Variants in TJP1 observed in about 807,000 individuals in gnomAD.
TJP1 encodes the protein tight junction protein 1.
TJP1 carries 43 observed loss-of-function variants against 194.2 expected under a neutral mutation model. That is an observed-to-expected ratio of 0.22 (90% CI 0.17 to 0.29). The LOEUF is 0.29. Among genes scored for constraint, TJP1 ranks in the 10% least tolerant of loss-of-function variants. The pLI is 1.00. For synonymous variants in TJP1, 801 were observed against 779.0 expected, an observed-to-expected ratio of 1.03 and a Z score of -0.47; for missense variants, 1,971 against 2,185.7, an observed-to-expected ratio of 0.90 and a Z score of 1.96.
At chr15:29,780,327 T>C (rs1595870315) in intron 2 of TJP1, among the ~76,000 whole-genome samples, 2 of 152,050 alleles carry the variant, frequency 1.3e-5, no homozygotes, top group South Asian at 4.2e-4. Context: ...TGACAGATCA[T>C]CAGGCATTAG....
chr15:29,847,221 G>C (rs2051447108), intron 2 of TJP1, among the ~76,000 whole-genome samples: 1 of 151,976 alleles, frequency 6.6e-6, no homozygotes. Flanking sequence ...TTTCCTCTCA[G>C]CTTCCAGAGT....
At chr15:29,762,216 CA>C in intron 6 of TJP1, 118 bp downstream of exon 6, 1 of 744,912 alleles carries the variant, frequency 1.3e-6, no homozygotes, top group East Asian at 2.7e-5. Flanking sequence ...CCCTCTCCCC[CA>C]AACACTGATT....
At chr15:29,780,301 G>A (rs1055258697) in intron 2 of TJP1, among the ~76,000 whole-genome samples, 1 of 152,000 alleles carries the variant, frequency 6.6e-6, no homozygotes, top group Non-Finnish European at 1.5e-5. Flanking sequence ...TCCCATCTGG[G>A]GGTGATGGGA....
intron 2 of TJP1, among the ~76,000 whole-genome samples, chr15:29,885,305 A>G (rs1464420282): frequency 1.3e-5 from 2 of 152,226 alleles, no homozygotes; most frequent in East Asian, 3.8e-4. Flanking sequence ...AGGGTCATGC[A>G]GCCACCCTGA....
chr15:29,733,151 A>G lies in TJP1; in HGVS notation c.1679T>C (p.Ile560Thr). ...YNGKLGSWLA[I>T]RIGKNHKEVE... is the part of the protein sequence containing the mutation. ...CTCCTTATGATTTTTACCAATTCGA[A>G]TAGCAAGCCAAGAGCCCAGTTTTCC... The change falls in exon 13 of 28, where the codon ATT (isoleucine) becomes ACT (threonine). Residue 560 changes from isoleucine to threonine, a missense_variant. Transcript: ENST00000614355. 6.2e-7 allele frequency: 1 copy of G among 1,614,124 alleles called. No individual in the cohort carries two copies. The highest frequency in any genetic ancestry group is 8.5e-7 in the Non-Finnish European group (1 of 1,180,016).
At chr15:29,717,904 A>G in intron 22 of TJP1, 117 bp downstream of exon 22, 2 of 800,320 alleles carry the variant, frequency 2.5e-6, no homozygotes, top group Admixed American at 5.2e-5. Context: ...TTATTTAAGG[A>G]CAAACTCCTC....
Position 29,727,994 on chromosome 15 carries a change from A to C in TJP1, c.2043T>G (p.Thr681=), listed in dbSNP as rs765517702. The C allele has an allele frequency of 8.1e-6, 13 of 1,614,042 alleles. No individual in the cohort carries two copies. In the Middle Eastern group the frequency reaches 6.6e-4, roughly 82 times the overall value. Residue 681 remains threonine, a synonymous_variant, in exon 16 of 28, where the codon ACT becomes ACG. Coordinates refer to ENST00000614355, the MANE Select transcript of TJP1 (RefSeq NM_001330239.4). ...IAKSEPRDAG[T]DQRSSGIIRL... The stretch of plus-strand genomic sequence containing the variant: ...GAATAATGCCAGAGCTACGTTGGTC[A>C]GTTCCAGCGTCTCGTGGTTCACTCT...
At chr15:29,875,928 C>T (rs975875937) in intron 2 of TJP1, among the ~76,000 whole-genome samples, 4 of 152,124 alleles carry the variant, frequency 2.6e-5, no homozygotes, top group African/African-American at 9.7e-5. Flanking sequence ...TTTCCAATGA[C>T]CAAATATAGT....
At chr15:29,835,425 T>G (rs2050993285) in intron 2 of TJP1, among the ~76,000 whole-genome samples, 1 of 152,218 alleles carries the variant, frequency 6.6e-6, no homozygotes, top group Non-Finnish European at 1.5e-5. Flanking sequence ...TGGGGCTTCC[T>G]GTCTCTGGAT....
At chr15:29,882,244 C>T (rs1442183480) in intron 2 of TJP1, among the ~76,000 whole-genome samples, 1 of 152,026 alleles carries the variant, frequency 6.6e-6, no homozygotes, top group South Asian at 2.1e-4. Flanking sequence ...GAGTTTTCAC[C>T]ATATGTTTTG....
At chr15:29,836,042 T>C (rs887995833) in intron 2 of TJP1, among the ~76,000 whole-genome samples, 2 of 152,188 alleles carry the variant, frequency 1.3e-5, no homozygotes, top group Non-Finnish European at 2.9e-5. Context: ...TTGGGTATGA[T>C]TATTCAAGAA....
At chr15:29,957,090 T>C (rs141917604) in intron 1 of TJP1, among the ~76,000 whole-genome samples, 27 of 152,272 alleles carry the variant, frequency 1.8e-4, no homozygotes, top group Admixed American at 8.5e-4. Context: ...CTGTTCAGCA[T>C]GGTTTTGTTA....
intron 2 of TJP1, among the ~76,000 whole-genome samples, chr15:29,928,937 A>C (rs1343422804): frequency 6.7e-6 from 1 of 150,286 alleles, no homozygotes; most frequent in East Asian, 1.9e-4. Flanking sequence ...ATGAGACTCC[A>C]TCTCAAAAAA....
intron 25 of TJP1, 56 bp from the exon 26 acceptor site, chr15:29,705,801 C>G: frequency 6.9e-7 from 1 of 1,445,156 alleles, no homozygotes; most frequent in Non-Finnish European, 9.7e-7. Context: ...AGGTGCTTTG[C>G]TTTTACTACT....
intron 2 of TJP1, among the ~76,000 whole-genome samples, chr15:29,880,707 G>A (rs1035380810): frequency 1.3e-5 from 2 of 152,138 alleles, no homozygotes; most frequent in Non-Finnish European, 2.9e-5. Context: ...TTTGTCCTGT[G>A]ACTGGCTTAT....
chr15:29,819,266 A>G (rs1211552539), intron 1 of TJP1, among the ~76,000 whole-genome samples: 4 of 152,202 alleles, frequency 2.6e-5, no homozygotes, highest in Non-Finnish European at 5.9e-5. Context: ...AGCACCATAC[A>G]TTGAACAAGC....
At position 29,734,508 on chromosome 15, in the gene TJP1, G is replaced by C. The variant is rs187021430; in HGVS notation, c.1408-126C>G. The C allele has an allele frequency of 3.6e-5, 24 of 658,090 alleles. No homozygotes were observed. In the African/African-American group the frequency reaches 4.3e-4, roughly 12 times the overall value. 40.8% of individuals were successfully genotyped at this position (658,090 alleles called of 1,614,324 possible). On this transcript the variant is annotated intron_variant, in intron 11 of 27. Coordinates refer to ENST00000614355, the MANE Select transcript of TJP1 (RefSeq NM_001330239.4). ...CACATCTTTTTTTTTTTTTGAGACA[G>C]AGTCTCGCTCTGTCGCCCAGGCTGG...
At chr15:29,758,554 A>G (rs2045797281) in intron 8 of TJP1, among the ~76,000 whole-genome samples, 1 of 152,236 alleles carries the variant, frequency 6.6e-6, no homozygotes, top group African/African-American at 2.4e-5. Context: ...AATCTAAACT[A>G]ATGGCCCAAC....
intron 11 of TJP1, among the ~76,000 whole-genome samples, chr15:29,734,785 C>T (rs960199802): frequency 2.0e-5 from 3 of 151,646 alleles, no homozygotes; most frequent in African/African-American, 7.3e-5. Context: ...CACACCCGGC[C>T]GAAAATATCA....
Sources: gnomAD v4.1 joint callset for allele counts (sites outside exome capture counted in the v4.1 genomes callset) on GRCh38, gnomAD v4.1.1 for gene constraint, MANE v1.5 for transcripts, NCBI Gene and HGNC (gene_info 2026-07-23, HGNC 2026-07-21) for gene names.